Variants in PRLR observed in about 807,000 individuals in gnomAD.
PRLR encodes the protein hPRL receptor.
In PRLR, 13 loss-of-function variants were observed where a neutral mutation model predicts 40.2. That is an observed-to-expected ratio of 0.32 (90% CI 0.21 to 0.51). The LOEUF (loss-of-function observed/expected upper bound fraction) is 0.51, where lower values mean the gene tolerates loss of function less well. Among genes scored for constraint, PRLR ranks in the 20% least tolerant of loss-of-function variants. The pLI is 0.97. For synonymous variants in PRLR, 269 were observed against 278.7 expected (o/e 0.97, Z 0.35); for missense variants, 656 against 747.3 (o/e 0.88, Z 1.42).
At chr5:35,135,844 G>A (rs2962104) in intron 1 of PRLR, among the ~76,000 whole-genome samples, 31,641 of 152,114 alleles carry the variant, frequency 0.21, 5,957 homozygotes, top group African/African-American at 0.5. Context: ...CATCCCATGG[G>A]GGACCTGACC....
At chr5:35,080,008 C>T (rs1416973508) in intron 5 of PRLR, among the ~76,000 whole-genome samples, 1 of 152,170 alleles carries the variant, frequency 6.6e-6, no homozygotes, top group Admixed American at 6.6e-5. Context: ...AAACTGGATA[C>T]CTTCCTTACA....
intron 1 of PRLR, among the ~76,000 whole-genome samples, chr5:35,167,670 C>T (rs912989451): frequency 2.0e-5 from 3 of 151,848 alleles, no homozygotes; most frequent in African/African-American, 7.3e-5. Flanking sequence ...AAAACGCATA[C>T]AGTAGTATGG....
rs918370607 is a variant in PRLR at position 35,061,009 on chromosome 5, A to G, written c.*4080T>C. On this transcript the variant is annotated 3_prime_UTR_variant, in exon 10 of 10. Coordinates refer to ENST00000618457, the MANE Select transcript of PRLR (RefSeq NM_000949.7). The stretch of plus-strand genomic sequence containing the variant: ...TTCACAACAGCTCTGTGTTGATTCA[A>G]TTAAACAATACGTAAACATTCACTG... 2 of 152,212 alleles carry G rather than the reference A, an allele frequency of 1.3e-5. No homozygotes were observed. Among genetic ancestry groups the G allele is most frequent in the Non-Finnish European group, 2.9e-5 (2 of 68,044 alleles). The allele number at this position is 152,212 out of a possible 1,614,324, so 9.4% of individuals were successfully genotyped here.
intron 1 of PRLR, among the ~76,000 whole-genome samples, chr5:35,171,608 T>C (rs1561346755): frequency 6.6e-6 from 1 of 152,046 alleles, no homozygotes; most frequent in Non-Finnish European, 1.5e-5. Context: ...CAGGACACTA[T>C]GGGGAGGGGA....
Position 35,129,966 on chromosome 5 carries a change from G to A in PRLR, c.-105-11844C>T, listed in dbSNP as rs1579708682. On this transcript the variant is annotated intron_variant, in intron 1 of 9. Transcript: ENST00000618457. The stretch of plus-strand genomic sequence containing the variant: ...CTTACCCTGGGCATGTCGCAAGCCT[G>A]TCAAAGTTTGAATGCTTGCTTCCGA... 3.3e-5 allele frequency among the ~76,000 whole-genome samples: 5 copies of A among 152,286 alleles called. No homozygotes were observed. The East Asian group carries it at 9.7e-4, about 29-fold the overall frequency.
In PRLR at chr5:35,122,923, G is replaced by C. The variant is rs532586728; in HGVS notation, c.-105-4801C>G. Among the ~76,000 whole-genome samples the C allele has an allele frequency of 2.6e-4, 39 of 152,284 alleles. 1 individual carries two copies. The South Asian group carries it at 7.7e-3, about 30-fold the overall frequency. ...TGAGATTGAGATGGAGACAGAGGGA[G>C]CAAGATAAATAGGGTAAAGTCAAGT... On this transcript the variant is annotated intron_variant, in intron 1 of 9. Coordinates refer to ENST00000618457, the MANE Select transcript of PRLR (RefSeq NM_000949.7).
intron 1 of PRLR, among the ~76,000 whole-genome samples, chr5:35,160,901 A>G (rs2111904671): frequency 6.6e-6 from 1 of 152,282 alleles, no homozygotes; most frequent in African/African-American, 2.4e-5. Context: ...CTAGCCCACA[A>G]GCCTTCGATA....
At chr5:35,196,222 A>G (rs1006964821) in intron 1 of PRLR, among the ~76,000 whole-genome samples, 8 of 152,202 alleles carry the variant, frequency 5.3e-5, no homozygotes, top group African/African-American at 1.9e-4. Flanking sequence ...GCAAGTTTGG[A>G]CTCAATCCTA....
In PRLR at chr5:35,063,911, T is replaced by G. The variant is rs1769192605; in HGVS notation, c.*1178A>C. ...GTTGGTGGTGGTGGTAGCAGTTGTT[T>G]AAAGTGTCCTGGAGATCAAAAGAAT... is the stretch of plus-strand genomic sequence containing the variant. On this transcript the variant is annotated 3_prime_UTR_variant, in exon 10 of 10. Coordinates refer to ENST00000618457, the MANE Select transcript of PRLR (RefSeq NM_000949.7). 1 of 152,200 alleles carries G rather than the reference T, an allele frequency of 6.6e-6. No homozygotes were observed. The allele number at this position is 152,200 out of a possible 1,614,324, so 9.4% of individuals were successfully genotyped here.
At chr5:35,223,888 T>C (rs927474029) in intron 1 of PRLR, among the ~76,000 whole-genome samples, 2 of 152,312 alleles carry the variant, frequency 1.3e-5, no homozygotes, top group African/African-American at 4.8e-5. Context: ...GCTGTTGATG[T>C]AGAAATATTA....
chr5:35,169,166 C>A (rs1774929663), intron 1 of PRLR, among the ~76,000 whole-genome samples: 1 of 152,108 alleles, frequency 6.6e-6, no homozygotes, highest in African/African-American at 2.4e-5. Context: ...CTGAATGACT[C>A]AAGGCAAGGA....
At chr5:35,161,718 G>T (rs925843957) in intron 1 of PRLR, among the ~76,000 whole-genome samples, 7 of 152,216 alleles carry the variant, frequency 4.6e-5, no homozygotes, top group African/African-American at 7.2e-5. Flanking sequence ...TTTTCTCAGA[G>T]GGTAGTGTTG....
At chr5:35,048,901 G>T in exon 9 of PRLR, 2 of 337,590 alleles carry the variant, frequency 5.9e-6, no homozygotes, top group Non-Finnish European at 1.2e-5. Context: ...CTAGGGGGTC[G>T]AGGGACTGGG....
chr5:35,113,822 G>A (rs527281085), intron 2 of PRLR, among the ~76,000 whole-genome samples: 25 of 152,328 alleles, frequency 1.6e-4, no homozygotes, highest in African/African-American at 3.6e-4. Flanking sequence ...AGGCTGCTTC[G>A]GGAGAAGGAG....
At position 35,063,530 on chromosome 5, in the gene PRLR, A is replaced by C. The variant is rs1475051508; in HGVS notation, c.*1559T>G. 5 of 152,186 alleles carry C rather than the reference A, an allele frequency of 3.3e-5. 1 individual carries two copies. The highest frequency in any genetic ancestry group is 5.9e-5 in the Non-Finnish European group (4 of 68,038). The allele number at this position is 152,186 out of a possible 1,614,324, so 9.4% of individuals were successfully genotyped here. On this transcript the variant is annotated 3_prime_UTR_variant, in exon 10 of 10. Transcript: ENST00000618457. ...CACTGGAATTGACCGGGAGATTCTC[A>C]TTACCTTACTCTGACCTTTGGAGCT...
intron 1 of PRLR, among the ~76,000 whole-genome samples, chr5:35,184,504 GAGACTC>G (rs1361929504): frequency 6.6e-6 from 1 of 152,172 alleles, no homozygotes; most frequent in Non-Finnish European, 1.5e-5. Flanking sequence ...GCGACAGAGT[GAGACTC>G]CATCTTATAA....
intron 1 of PRLR, among the ~76,000 whole-genome samples, chr5:35,192,085 A>G (rs560306138): frequency 1.8e-4 from 28 of 152,226 alleles, no homozygotes; most frequent in Non-Finnish European, 3.2e-4. Context: ...GCTTGACATG[A>G]CCATCATTGG....
chr5:35,174,718 C>T (rs1775097494), intron 1 of PRLR, among the ~76,000 whole-genome samples: 1 of 152,186 alleles, frequency 6.6e-6, no homozygotes, highest in South Asian at 2.1e-4. Flanking sequence ...GAACCTTATT[C>T]CTATGACCTG....
At chr5:35,110,898 G>C (rs1772619060) in intron 2 of PRLR, among the ~76,000 whole-genome samples, 1 of 152,142 alleles carries the variant, frequency 6.6e-6, no homozygotes, top group Non-Finnish European at 1.5e-5. Context: ...ACATCCCTGG[G>C]TTCTCCAAAG....
Sources: gnomAD v4.1 joint callset for allele counts (sites outside exome capture counted in the v4.1 genomes callset) on GRCh38, gnomAD v4.1.1 for gene constraint, MANE v1.5 for transcripts, NCBI Gene and HGNC (gene_info 2026-07-23, HGNC 2026-07-21) for gene names.